Variants in ALG9 observed in about 807,000 individuals in gnomAD.
The protein encoded by ALG9 is ALG9 alpha-1,2-mannosyltransferase, also known as alpha-1,2-mannosyltransferase ALG9.
ALG9 carries 55 observed loss-of-function variants against 81.8 expected under a neutral mutation model. That is an observed-to-expected ratio of 0.67 (90% CI 0.54 to 0.84). The LOEUF (loss-of-function observed/expected upper bound fraction) is 0.84, where lower values mean the gene tolerates loss of function less well. Among genes scored for constraint, ALG9 ranks in the 40% least tolerant of loss-of-function variants. The probability of loss-of-function intolerance (pLI) is 0.00; values close to 1 mark genes in which losing one functional copy is unlikely to be tolerated. For missense variants in ALG9, 629 were observed against 745.0 expected, an observed-to-expected ratio of 0.84 and a Z score of 1.81; for synonymous variants, 278 against 274.3, an observed-to-expected ratio of 1.01 and a Z score of -0.13.
At position 111,786,071 on chromosome 11, in the gene ALG9, A is replaced by G. The variant is rs1946425784; in HGVS notation, c.*326T>C. The G allele has an allele frequency of 2.2e-6, 1 of 462,614 alleles. No homozygotes were observed. Among genetic ancestry groups the G allele is most frequent in the Non-Finnish European group, 4.3e-6 (1 of 231,068 alleles). 28.7% of individuals were successfully genotyped at this position (462,614 alleles called of 1,614,324 possible). A position where few individuals can be genotyped will look rare whatever the true frequency, so the allele number is the denominator to read the frequency against. ...TACCAGGATTTTCAATTCTTCCTGT[A>G]AGTTGGTTCTGCTCTTCTCCGGTCT... On this transcript the variant is annotated 3_prime_UTR_variant, in exon 15 of 15. Coordinates refer to ENST00000616540, the MANE Select transcript of ALG9 (RefSeq NM_024740.2).
chr11:111,805,090 T>A (rs1949721751), intron 14 of ALG9: 1 of 339,740 alleles, frequency 2.9e-6, no homozygotes, highest in South Asian at 2.3e-5. Context: ...GTCTAAACAC[T>A]CACCTATGTG....
intron 8 of ALG9, among the ~76,000 whole-genome samples, chr11:111,846,981 C>T (rs1250514798): frequency 6.6e-6 from 1 of 152,022 alleles, no homozygotes; most frequent in East Asian, 1.9e-4. Context: ...ATGGAAAGTG[C>T]CTCAAGTCCT....
chr11:111,844,715 G>C lies in ALG9; in HGVS notation c.904C>G (p.Pro302Ala), dbSNP rs781948585. The change falls in exon 9 of 15, where the codon CCC becomes GCC. Residue 302 changes from proline (P) to alanine (A), a missense_variant. This residue lies in a region of ALG9 where 344 missense variants were observed against 390.5 expected (regional missense o/e 0.88). Coordinates refer to ENST00000616540, the MANE Select transcript of ALG9 (RefSeq NM_024740.2). ...PHGPDLYGTE[P>A]WYFYLINGFL... The stretch of plus-strand genomic sequence containing the variant: ...CCATTAATTAAATAGAAATACCAGG[G>C]TTCTGTACCTGAGGGAGACATAAAG... The C allele has an allele frequency of 1.9e-6, 3 of 1,613,732 alleles. No homozygotes were observed. The highest frequency in any genetic ancestry group is 2.7e-5 in the African/African-American group (2 of 74,920).
downstream of ALG9, among the ~76,000 whole-genome samples, chr11:111,778,012 A>G (rs1184641367): frequency 6.6e-6 from 1 of 152,276 alleles, no homozygotes; most frequent in African/African-American, 2.4e-5. Flanking sequence ...TAACAAAGGT[A>G]AAATAGGGTC....
At chr11:111,817,997 T>A (rs1445183122) in intron 13 of ALG9, among the ~76,000 whole-genome samples, 1 of 152,116 alleles carries the variant, frequency 6.6e-6, no homozygotes, top group African/African-American at 2.4e-5. Context: ...CAGGCTGGTC[T>A]CAAACTCCTG....
At chr11:111,814,169 T>C (rs983053598) in intron 13 of ALG9, among the ~76,000 whole-genome samples, 2 of 152,178 alleles carry the variant, frequency 1.3e-5, no homozygotes, top group East Asian at 3.8e-4. Flanking sequence ...AGTCATACAA[T>C]GAAATATTAA....
intron 13 of ALG9, among the ~76,000 whole-genome samples, chr11:111,813,962 T>C (rs1555094307): frequency 2.0e-5 from 3 of 152,232 alleles, no homozygotes; most frequent in African/African-American, 4.8e-5. Flanking sequence ...AATTATTAGA[T>C]TGAACCACAT....
chr11:111,834,563 CTA>C (rs1954913531), intron 13 of ALG9, among the ~76,000 whole-genome samples: 1 of 152,156 alleles, frequency 6.6e-6, no homozygotes, highest in African/African-American at 2.4e-5. Flanking sequence ...AACAGAGAAG[CTA>C]ACTAATTTGC....
At chr11:111,870,606 C>T (rs1964023135) in intron 1 of ALG9, among the ~76,000 whole-genome samples, 1 of 152,106 alleles carries the variant, frequency 6.6e-6, no homozygotes. Context: ...CCAGGCTGGA[C>T]TTAAACTCCT....
chr11:111,868,612 T>C lies in ALG9; in HGVS notation c.395A>G (p.Gln132Arg). ...WPAAFHARILQTNKILVFYFL... is the reference protein window; with the variant it reads ...WPAAFHARILRTNKILVFYFL... ...TTGGTCTGCCCTTACCTTATTAGTT[T>C]GTAGAATTCTTGCATGAAATGCAGC... The change falls in exon 3 of 15, where the codon CAA (glutamine) becomes CGA (arginine). Residue 132 changes from glutamine (Q) to arginine (R), a missense_variant. Coordinates refer to ENST00000616540, the MANE Select transcript of ALG9 (RefSeq NM_024740.2). The C allele has an allele frequency of 6.2e-7, 1 of 1,613,994 alleles. No individual in the cohort carries two copies. Among genetic ancestry groups the C allele is most frequent in the Non-Finnish European group, 8.5e-7 (1 of 1,179,848 alleles).
intron 3 of ALG9, among the ~76,000 whole-genome samples, chr11:111,867,998 A>G (rs1460224668): frequency 1.3e-5 from 2 of 152,218 alleles, no homozygotes; most frequent in African/African-American, 2.4e-5. Flanking sequence ...TGGGGGACTA[A>G]TAACAAAAGA....
chr11:111,811,505 T>C (rs1328743361), intron 13 of ALG9, among the ~76,000 whole-genome samples: 4 of 140,594 alleles, frequency 2.8e-5, no homozygotes, highest in Admixed American at 1.5e-4. Context: ...ATTACACCAC[T>C]GCACTCCAGC....
intron 13 of ALG9, among the ~76,000 whole-genome samples, chr11:111,829,977 T>C (rs541757829): frequency 2.6e-5 from 4 of 152,306 alleles, no homozygotes; most frequent in African/African-American, 9.6e-5. Flanking sequence ...AAATAGGTAA[T>C]GGGATAAGCT....
rs782789135 is a variant in ALG9, at chr11:111,870,348, G to C, written c.154C>G (p.Gln52Glu). The change falls in exon 2 of 15, where the codon CAA becomes GAA. Residue 52 changes from glutamine (Q) to glutamate (E), a missense_variant. Transcript: ENST00000616540. ...GTAGATCCTTCAGGTGCCCAGACTTGTCCTGCTTTGTTCCCAGATAACCTG... is the reference window on the plus strand; with the variant it reads ...GTAGATCCTTCAGGTGCCCAGACTTCTCCTGCTTTGTTCCCAGATAACCTG... The part of the protein sequence containing the change: ...RTELSGNKAG[Q>E]VWAPEGSTAF... 1 of 1,442,948 alleles carries C rather than the reference G, an allele frequency of 6.9e-7. No homozygotes were observed. Among genetic ancestry groups the C allele is most frequent in the Non-Finnish European group, 9.4e-7 (1 of 1,069,422 alleles). The allele number at this position is 1,442,948 out of a possible 1,614,324, so 89.4% of individuals were successfully genotyped here.
intron 14 of ALG9, among the ~76,000 whole-genome samples, chr11:111,802,014 C>T (rs1949195432): frequency 6.6e-6 from 1 of 152,212 alleles, no homozygotes; most frequent in Non-Finnish European, 1.5e-5. Flanking sequence ...TTCTATCTCT[C>T]CAGCTGTCTC....
intron 13 of ALG9, among the ~76,000 whole-genome samples, chr11:111,829,676 G>A (rs1370357148): frequency 2.0e-5 from 3 of 152,182 alleles, no homozygotes; most frequent in East Asian, 1.9e-4. Flanking sequence ...GTATTTTGTC[G>A]GGGGAAGAGT....
intron 5 of ALG9, 66 bp downstream of exon 5, chr11:111,860,481 T>TC: frequency 7.7e-7 from 1 of 1,305,278 alleles, no homozygotes; most frequent in Non-Finnish European, 1.1e-6. Flanking sequence ...AACCTGCAAT[T>TC]CCCTCATCTG....
At position 111,870,382 on chromosome 11, in the gene ALG9, C is replaced by CCAAAAA. The variant is rs1555157382; in HGVS notation, c.132-13_132-12insTTTTTG. The CCAAAAA allele has an allele frequency of 1.6e-4, 159 of 973,870 alleles. 2 individuals are homozygous for CCAAAAA. The highest frequency in any genetic ancestry group is 8.2e-4 in the Middle Eastern group (2 of 2,436). 60.3% of individuals were successfully genotyped at this position (973,870 alleles called of 1,614,324 possible). A position where few individuals can be genotyped will look rare whatever the true frequency, so the allele number is the denominator to read the frequency against. On this transcript the variant is annotated splice_polypyrimidine_tract_variant and intron_variant, in intron 1 of 14. Transcript: ENST00000616540. ...TGTTCCCAGATAACCTGTTCAAAAG[C>CCAAAAA]AAAAAAAAAAAAAAAAAAAAAAGCA...
chr11:111,803,497 T>A (rs1480075413), intron 14 of ALG9, among the ~76,000 whole-genome samples: 9 of 66,380 alleles, frequency 1.4e-4, no homozygotes, highest in African/African-American at 5.7e-4. Flanking sequence ...TAAGACTCCA[T>A]CTCAGGAAAA....
Sources: allele counts gnomAD v4.1 joint callset (sites outside exome capture counted in the v4.1 genomes callset), GRCh38; gene constraint gnomAD v4.1.1; regional missense constraint gnomAD v4.1.1; transcripts MANE v1.5; gene names NCBI Gene and HGNC (gene_info 2026-07-23, HGNC 2026-07-21).